Variants in VPS41 observed in about 807,000 individuals in gnomAD.
VPS41 encodes vacuolar protein sorting-associated protein 41 homolog.
VPS41 carries 85 observed loss-of-function variants against 130.9 expected under a neutral mutation model. The ratio of observed to expected loss-of-function variants is 0.65; its 90% CI spans 0.55 to 0.78. The LOEUF is 0.78. Among genes scored for constraint, VPS41 ranks in the 30% least tolerant of loss-of-function variants. The probability of loss-of-function intolerance (pLI) is 0.00; values close to 1 mark genes in which losing one functional copy is unlikely to be tolerated. For synonymous variants in VPS41, 335 were observed against 332.9 expected, an observed-to-expected ratio of 1.01 and a Z score of -0.07; for missense variants, 874 against 1,018.7, an observed-to-expected ratio of 0.86 and a Z score of 1.93.
In VPS41 at chr7:38,727,098, C is replaced by T. The variant is rs1021553116; in HGVS notation, c.2405-110G>A. 1.1e-5 allele frequency: 11 copies of T among 1,023,850 alleles called. No homozygotes were observed. In the African/African-American group the frequency reaches 1.5e-4, roughly 14 times the overall value. The allele number at this position is 1,023,850 out of a possible 1,614,324, so 63.4% of individuals were successfully genotyped here. On this transcript the variant is annotated intron_variant, in intron 27 of 28. Coordinates refer to ENST00000310301, the MANE Select transcript of VPS41 (RefSeq NM_014396.4). Reference sequence around the variant, plus strand: ...CAGTTTAATTTTCAGCAATAAGGTGCCTTTAGAGAATGGCTTATTTACAAA... The same window carrying T: ...CAGTTTAATTTTCAGCAATAAGGTGTCTTTAGAGAATGGCTTATTTACAAA...
intron 4 of VPS41, among the ~76,000 whole-genome samples, chr7:38,832,932 C>T (rs1785421057): frequency 6.6e-6 from 1 of 152,126 alleles, no homozygotes; most frequent in South Asian, 2.1e-4. Flanking sequence ...TACTTGGATG[C>T]CTAATATGCA....
At chr7:38,775,324 T>G (rs1050232752) in intron 11 of VPS41, 1 of 152,248 alleles carries the variant, frequency 6.6e-6, no homozygotes, top group Non-Finnish European at 1.5e-5. Context: ...AACCCTCGCT[T>G]CTTCTTCTGG....
At chr7:38,872,794 C>T (rs1279402190) in intron 2 of VPS41, among the ~76,000 whole-genome samples, 1 of 152,132 alleles carries the variant, frequency 6.6e-6, no homozygotes, top group African/African-American at 2.4e-5. Context: ...AAACAACAGA[C>T]ACTTCTACTT....
chr7:38,865,110 C>T (rs1203987221), intron 3 of VPS41, among the ~76,000 whole-genome samples: 2 of 152,106 alleles, frequency 1.3e-5, no homozygotes, highest in Non-Finnish European at 2.9e-5. Context: ...GTATTCAAAG[C>T]ATTACAGCAG....
chr7:38,759,120 T>G (rs941181190), intron 17 of VPS41, among the ~76,000 whole-genome samples: 1 of 152,232 alleles, frequency 6.6e-6, no homozygotes, highest in Admixed American at 6.5e-5. Flanking sequence ...TTCCAGTTTA[T>G]AGTTGACCAG....
intron 10 of VPS41, among the ~76,000 whole-genome samples, chr7:38,779,551 G>A (rs989652279): frequency 3.3e-5 from 5 of 152,200 alleles, no homozygotes; most frequent in Admixed American, 3.3e-4. Flanking sequence ...GTGAGTTGCT[G>A]ATTTAGGGAA....
rs1562625397 is a variant in VPS41, at chr7:38,889,573, A to AAAAC, written c.60+8517_60+8518insGTTT. 1.1e-3 allele frequency among the ~76,000 whole-genome samples: 155 copies of AAAAC among 145,540 alleles called. 3 individuals are homozygous for AAAAC. In the East Asian group the frequency reaches 0.025, roughly 23 times the overall value. On this transcript the variant is annotated intron_variant, in intron 2 of 28. Coordinates refer to ENST00000310301, the MANE Select transcript of VPS41 (RefSeq NM_014396.4). ...ACAAAACAAAACAAAAAAAAAAAAA[A>AAAAC]ACCTTAAAACTGAAGGGAAGATAAA...
chr7:38,845,796 G>A (rs1309979059), intron 4 of VPS41, among the ~76,000 whole-genome samples: 1 of 152,156 alleles, frequency 6.6e-6, no homozygotes, highest in Admixed American at 6.5e-5. Flanking sequence ...ATTTGGTTCT[G>A]ATACCCCTGT....
chr7:38,832,250 T>C (rs1177021309), intron 4 of VPS41, among the ~76,000 whole-genome samples: 1 of 151,866 alleles, frequency 6.6e-6, no homozygotes, highest in African/African-American at 2.4e-5. Flanking sequence ...CCTATTTTTT[T>C]GCATGATGGT....
chr7:38,784,037 A>G (rs1389713147), intron 10 of VPS41, among the ~76,000 whole-genome samples: 2 of 152,212 alleles, frequency 1.3e-5, no homozygotes, highest in Non-Finnish European at 2.9e-5. Context: ...TTAAATTACA[A>G]ATTTTATAAA....
chr7:38,883,997 C>G (rs1166522595), intron 2 of VPS41, among the ~76,000 whole-genome samples: 1 of 152,172 alleles, frequency 6.6e-6, no homozygotes, highest in African/African-American at 2.4e-5. Flanking sequence ...CACTATAACC[C>G]TATGCTCCAT....
intron 23 of VPS41, 44 bp downstream of exon 23, chr7:38,745,515 C>T: frequency 1.4e-6 from 2 of 1,478,742 alleles, no homozygotes; most frequent in Non-Finnish European, 1.9e-6. Context: ...GTTGTCATCC[C>T]ATTTCTTAGT....
chr7:38,820,211 C>T (rs139623258), intron 6 of VPS41, among the ~76,000 whole-genome samples: 140 of 152,312 alleles, frequency 9.2e-4, no homozygotes, highest in Admixed American at 1.5e-3. Flanking sequence ...CACTCACTAT[C>T]ATTCTTTTCA....
intron 21 of VPS41, among the ~76,000 whole-genome samples, chr7:38,753,147 A>T (rs1783714654): frequency 6.6e-6 from 1 of 152,120 alleles, no homozygotes; most frequent in Non-Finnish European, 1.5e-5. Flanking sequence ...CCCACAATCT[A>T]CTGAAGACAG....
chr7:38,860,630 C>A (rs1315079661), intron 4 of VPS41, among the ~76,000 whole-genome samples: 1 of 151,640 alleles, frequency 6.6e-6, no homozygotes, highest in Non-Finnish European at 1.5e-5. Flanking sequence ...CCACAATTAT[C>A]CATTCTACTA....
At chr7:38,741,837 G>C in intron 25 of VPS41, 148 bp downstream of exon 25, 2 of 863,228 alleles carry the variant, frequency 2.3e-6, no homozygotes, top group East Asian at 2.7e-5. Flanking sequence ...TACTCTATTT[G>C]AACAGTTTTC....
intron 4 of VPS41, among the ~76,000 whole-genome samples, chr7:38,848,595 T>C (rs1180200838): frequency 2.0e-5 from 3 of 152,244 alleles, no homozygotes; most frequent in Non-Finnish European, 4.4e-5. Flanking sequence ...TTATGTTACA[T>C]ATTTTACATG....
chr7:38,847,290 T>C (rs1055858117), intron 4 of VPS41, among the ~76,000 whole-genome samples: 3 of 141,976 alleles, frequency 2.1e-5, no homozygotes, highest in African/African-American at 7.9e-5. Context: ...CCAAATGGGT[T>C]TGGTAAAAAA....
At chr7:38,893,151 G>A (rs1786903453) in intron 2 of VPS41, among the ~76,000 whole-genome samples, 1 of 152,126 alleles carries the variant, frequency 6.6e-6, no homozygotes, top group African/African-American at 2.4e-5. Context: ...AATACATTAG[G>A]AGCTTCACAA....
Sources: gnomAD v4.1 joint callset for allele counts (sites outside exome capture counted in the v4.1 genomes callset) on GRCh38, gnomAD v4.1.1 for gene constraint, MANE v1.5 for transcripts, NCBI Gene and HGNC (gene_info 2026-07-23, HGNC 2026-07-21) for gene names.